Variants in CATIP observed in about 807,000 individuals in gnomAD.
The protein encoded by CATIP is ciliogenesis-associated TTC17-interacting protein.
A neutral mutation model predicts 42.5 loss-of-function variants in CATIP; 40 were observed. The ratio of observed to expected loss-of-function variants is 0.94; its 90% CI spans 0.73 to 1.22. CATIP has a LOEUF of 1.22. CATIP is among the 50% of genes most tolerant of loss of function. CATIP has a pLI of 0.00. For missense variants in CATIP, 489 were observed against 496.0 expected (o/e 0.99, Z 0.13); for synonymous variants, 222 against 200.2 (o/e 1.11, Z -0.92).
intron 7 of CATIP, 120 bp from the exon 8 acceptor site, chr2:218,366,904 A>C (rs1695462835): frequency 1.3e-6 from 1 of 762,618 alleles, no homozygotes; most frequent in Non-Finnish European, 2.3e-6. Context: ...ATGTAAACGT[A>C]ATGACCTCCC....
intron 2 of CATIP, 44 bp from the exon 3 acceptor site, chr2:218,357,490 C>T (rs759722732): frequency 6.5e-7 from 1 of 1,548,472 alleles, no homozygotes; most frequent in Non-Finnish European, 8.9e-7. Context: ...GATTGGGGCC[C>T]AGGAGCAGGG....
At position 218,357,726 on chromosome 2, in the gene CATIP, C is replaced by G. The variant is rs1031210038; in HGVS notation, c.311C>G (p.Ser104Cys). The G allele has an allele frequency of 6.2e-7, 1 of 1,613,182 alleles. No individual in the cohort carries two copies. The highest frequency in any genetic ancestry group is 8.5e-7 in the Non-Finnish European group (1 of 1,179,906). ...GFLDKMLCGN[S>C]LLGYLSEKLE... ...TTGGACAAAATGCTCTGCGGAAATTCCCTCCTGGGTAGCGTTCCTACTGCC... is the reference window on the plus strand; with the variant it reads ...TTGGACAAAATGCTCTGCGGAAATTGCCTCCTGGGTAGCGTTCCTACTGCC... Residue 104 changes from serine (S) to cysteine (C), a missense_variant, in exon 3 of 10, where the codon TCC becomes TGC. Transcript: ENST00000289388.
In CATIP at chr2:218,357,894, G is replaced by A. The variant is rs1695092005; in HGVS notation, c.320-143G>A. 12 of 1,056,576 alleles carry A rather than the reference G, an allele frequency of 1.1e-5. No homozygotes were observed. In the East Asian group the frequency reaches 1.2e-4, roughly 11 times the overall value. The allele number at this position is 1,056,576 out of a possible 1,614,324, so 65.5% of individuals were successfully genotyped here. A position where few individuals can be genotyped will look rare whatever the true frequency, so the allele number is the denominator to read the frequency against. Reference sequence around the variant, plus strand: ...GGATGAGCGAGTTCCTCATGGACTCGGGATGAGGGCACATCTTACCCATCC... The same window carrying A: ...GGATGAGCGAGTTCCTCATGGACTCAGGATGAGGGCACATCTTACCCATCC... On this transcript the variant is annotated intron_variant, in intron 3 of 9. Coordinates refer to ENST00000289388, the MANE Select transcript of CATIP (RefSeq NM_198559.2).
At chr2:218,362,517 C>T (rs1036233778) in intron 5 of CATIP, among the ~76,000 whole-genome samples, 39 of 152,006 alleles carry the variant, frequency 2.6e-4, no homozygotes, top group African/African-American at 8.7e-4. Context: ...CCTGTAATCC[C>T]TGCTACTTGA....
rs201860954 is a variant in CATIP at position 218,367,455 on chromosome 2, T to G, written c.858T>G (p.Phe286Leu). The change falls in exon 9 of 10, where the codon TTT becomes TTG. Residue 286 changes from phenylalanine to leucine, a missense_variant. Phe to Leu is a conservative substitution (Grantham distance 22, BLOSUM62 0). Coordinates refer to ENST00000289388, the MANE Select transcript of CATIP (RefSeq NM_198559.2). ...ATGAGATTGAGCCACGCCCAGTGTTTGAGAAGAAGCCCCTGGTATGGGAGG... is the reference window on the plus strand; with the variant it reads ...ATGAGATTGAGCCACGCCCAGTGTTGGAGAAGAAGCCCCTGGTATGGGAGG... ...EEDEIEPRPV[F>L]EKKPLVWEED... 4.3e-4 allele frequency: 687 copies of G among 1,613,898 alleles called. 2 individuals carry two copies. Among genetic ancestry groups the G allele is most frequent in the Non-Finnish European group, 2.9e-5 (34 of 1,179,948 alleles).
intron 4 of CATIP, among the ~76,000 whole-genome samples, chr2:218,359,470 G>A (rs1356933201): frequency 6.6e-6 from 1 of 152,108 alleles, no homozygotes; most frequent in Non-Finnish European, 1.5e-5. Flanking sequence ...AAGTGGCTGG[G>A]GCTGGGTGTG....
At chr2:218,366,306 G>T in intron 7 of CATIP, 1 of 152,038 alleles carries the variant, frequency 6.6e-6, no homozygotes, top group East Asian at 1.9e-4. Flanking sequence ...TGTATTTTTA[G>T]TAGAGACGGC....
In CATIP at chr2:218,357,198, A is replaced by T; in HGVS notation, c.118+11A>T. 1 of 1,603,738 alleles carries T rather than the reference A, an allele frequency of 6.2e-7. No individual in the cohort carries two copies. Among genetic ancestry groups the T allele is most frequent in the Non-Finnish European group, 8.5e-7 (1 of 1,173,186 alleles). On this transcript the variant is annotated intron_variant, in intron 2 of 9. Coordinates refer to ENST00000289388, the MANE Select transcript of CATIP (RefSeq NM_198559.2). ...TCCTCAGCTCCCTCCGTGAGCTCAG[A>T]CAGTGTCGGGGTTGGGGGTGCGGGA... is the stretch of plus-strand genomic sequence containing the variant.
chr2:218,357,965 C>G, intron 3 of CATIP, 72 bp from the exon 4 acceptor site: 1 of 1,440,366 alleles, frequency 6.9e-7, no homozygotes, highest in Non-Finnish European at 9.8e-7. Flanking sequence ...CCAGCTGCGC[C>G]ACCACCTTCC....
At chr2:218,357,769 C>T in intron 3 of CATIP, 35 bp downstream of exon 3, 2 of 1,581,296 alleles carry the variant, frequency 1.3e-6, no homozygotes, top group Admixed American at 1.7e-5. Context: ...CGTCACTCTC[C>T]CCTTCCTCCA....
At chr2:218,359,830 T>C (rs1338680896) in intron 4 of CATIP, among the ~76,000 whole-genome samples, 3 of 151,718 alleles carry the variant, frequency 2.0e-5, no homozygotes, top group Non-Finnish European at 4.4e-5. Context: ...ATTTTATTAT[T>C]ATTATTATTT....
chr2:218,357,962 C>T (rs374547432), intron 3 of CATIP, 75 bp from the exon 4 acceptor site: 15 of 1,400,828 alleles, frequency 1.1e-5, no homozygotes, highest in South Asian at 8.1e-5. Context: ...CCTCCAGCTG[C>T]GCCACCACCT....
In CATIP at chr2:218,362,720, A is replaced by C. The variant is rs1695277784; in HGVS notation, c.463-15A>C. Reference sequence around the variant, plus strand: ...TCCTGGTTCCAGGACCCTGACCCAGATCAGTTCTGAACAGGAAGTGAAGAC... The same window carrying C: ...TCCTGGTTCCAGGACCCTGACCCAGCTCAGTTCTGAACAGGAAGTGAAGAC... On this transcript the variant is annotated splice_polypyrimidine_tract_variant and intron_variant, in intron 5 of 9. Coordinates refer to ENST00000289388, the MANE Select transcript of CATIP (RefSeq NM_198559.2). The C allele has an allele frequency of 8.1e-6, 13 of 1,612,874 alleles. No individual in the cohort carries two copies. Among genetic ancestry groups the C allele is most frequent in the African/African-American group, 1.3e-5 (1 of 75,014 alleles).
intron 4 of CATIP, among the ~76,000 whole-genome samples, chr2:218,359,830 T>G (rs1338680896): frequency 6.6e-6 from 1 of 151,718 alleles, no homozygotes; most frequent in South Asian, 2.1e-4. Flanking sequence ...ATTTTATTAT[T>G]ATTATTATTT....
chr2:218,358,558 C>T (rs1695119143), intron 4 of CATIP, among the ~76,000 whole-genome samples: 1 of 151,588 alleles, frequency 6.6e-6, no homozygotes, highest in Admixed American at 6.6e-5. Context: ...AAGACTCCGT[C>T]TCAAGAAAAA....
At position 218,360,654 on chromosome 2, in the gene CATIP, G is replaced by T. The variant is rs771818081; in HGVS notation, c.457G>T (p.Gly153Cys). Residue 153 changes from glycine to cysteine, a missense_variant, in exon 5 of 10, where the codon GGT (glycine) becomes TGT (cysteine). By Grantham distance (159) the Gly-to-Cys change is radical. Coordinates refer to ENST00000289388, the MANE Select transcript of CATIP (RefSeq NM_198559.2). The part of the protein sequence containing the change: ...QLAVTRSIKE[G>C]EEVKTGVTSF... ...GGCTGTGACCAGAAGTATCAAGGAG[G>T]GTGAGGTAAGGATGAGAGCCAGATG... The T allele has an allele frequency of 1.2e-5, 20 of 1,612,834 alleles. No homozygotes were observed. Among genetic ancestry groups the T allele is most frequent in the Non-Finnish European group, 1.4e-5 (17 of 1,179,186 alleles).
chr2:218,357,779 A>G lies in CATIP; in HGVS notation c.319+45A>G, dbSNP rs780446363. ...ATGCCCGTCACTCTCCCCTTCCTCC[A>G]ACCCTCCCCTCCACCAATTCCTAGA... On this transcript the variant is annotated intron_variant, in intron 3 of 9. Coordinates refer to ENST00000289388, the MANE Select transcript of CATIP (RefSeq NM_198559.2). 2.4e-5 allele frequency: 37 copies of G among 1,556,416 alleles called. No individual in the cohort carries two copies. The South Asian group carries it at 3.8e-4, about 16-fold the overall frequency.
intron 3 of CATIP, 49 bp downstream of exon 3, chr2:218,357,783 C>T (rs188527626): frequency 2.6e-6 from 4 of 1,543,184 alleles, no homozygotes; most frequent in South Asian, 2.2e-5. Flanking sequence ...TCCTCCAACC[C>T]TCCCCTCCAC....
chr2:218,357,500 G>A (rs1463868166), intron 2 of CATIP, 34 bp from the exon 3 acceptor site: 4 of 1,584,060 alleles, frequency 2.5e-6, no homozygotes, highest in Admixed American at 1.7e-5. Flanking sequence ...CAGGAGCAGG[G>A]GCTTTATCTG....
Sources: allele counts gnomAD v4.1 joint callset (sites outside exome capture counted in the v4.1 genomes callset), GRCh38; gene constraint gnomAD v4.1.1; transcripts MANE v1.5; gene names NCBI Gene and HGNC (gene_info 2026-07-23, HGNC 2026-07-21).